The following FHIT variants were observed in gnomAD, a reference collection of about 807,000 sequenced individuals.
FHIT encodes bis(5'-adenosyl)-triphosphatase.
Under a neutral mutation model 17.9 loss-of-function variants are expected in FHIT, and 19 were observed. The ratio of observed to expected loss-of-function variants is 1.06; its 90% CI spans 0.74 to 1.56. The LOEUF (loss-of-function observed/expected upper bound fraction) is 1.56, where lower values mean the gene tolerates loss of function less well. Among genes scored for constraint, FHIT ranks in the 40% most tolerant of loss-of-function variants. The pLI, the probability that FHIT is intolerant of heterozygous loss-of-function variation, is 0.00. For missense variants in FHIT, 248 were observed against 189.2 expected, an observed-to-expected ratio of 1.31 and a Z score of -1.82; for synonymous variants, 81 against 69.7, an observed-to-expected ratio of 1.16 and a Z score of -0.81.
chr3:60,583,876 T>C (rs1371564214), intron 4 of FHIT, among the ~76,000 whole-genome samples: 1 of 152,100 alleles, frequency 6.6e-6, no homozygotes, highest in Non-Finnish European at 1.5e-5. Flanking sequence ...TTTGCTATTG[T>C]ATACAAATTC....
chr3:60,591,181 C>A (rs1553664142), intron 4 of FHIT, among the ~76,000 whole-genome samples: 1 of 152,024 alleles, frequency 6.6e-6, no homozygotes, highest in Non-Finnish European at 1.5e-5. Context: ...AACATATTTT[C>A]CATTACAAAT....
intron 3 of FHIT, among the ~76,000 whole-genome samples, chr3:60,848,816 T>C (rs1222995464): frequency 6.6e-6 from 1 of 152,078 alleles, no homozygotes; most frequent in African/African-American, 2.4e-5. Context: ...TATAATGGAT[T>C]TTTTTTCCAA....
intron 5 of FHIT, among the ~76,000 whole-genome samples, chr3:60,386,155 G>A (rs1019540544): frequency 6.6e-6 from 1 of 152,038 alleles, no homozygotes; most frequent in African/African-American, 2.4e-5. Flanking sequence ...CGGCAGTGTG[G>A]TTCCATAGAC....
chr3:60,751,126 G>A lies in FHIT; in HGVS notation c.-18+70793C>T, dbSNP rs73836110. ...CCCTTTCTCACCAACCAGGTAAGTC[G>A]AGAGTGGTTAGAACAACAGAAGACA... is the stretch of plus-strand genomic sequence containing the variant. On this transcript the variant is annotated intron_variant, in intron 4 of 9. Transcript: ENST00000492590. Among the ~76,000 whole-genome samples, 372 of 152,310 alleles carry A rather than the reference G, an allele frequency of 2.4e-3. 4 individuals are homozygous for A. Among genetic ancestry groups the A allele is most frequent in the African/African-American group, 8.3e-3 (344 of 41,574 alleles).
chr3:60,094,817 GAAGAAGAGAGAGAGAGAA>G (rs1364251319), intron 5 of FHIT, among the ~76,000 whole-genome samples: 1 of 90,218 alleles, frequency 1.1e-5, no homozygotes, highest in Non-Finnish European at 2.6e-5. Context: ...GAGAGAGAGA[GAAGAAGAGAGAGAGAGAA>G]GGAGAGAGGG....
chr3:60,359,821 A>G (rs141338586), intron 5 of FHIT, among the ~76,000 whole-genome samples: 72 of 152,312 alleles, frequency 4.7e-4, no homozygotes, highest in African/African-American at 1.6e-3. Context: ...AGGTCCCAAG[A>G]TAATAGAATT....
intron 1 of FHIT, among the ~76,000 whole-genome samples, chr3:61,224,301 T>C (rs189024959): frequency 6.6e-6 from 1 of 152,372 alleles, no homozygotes; most frequent in East Asian, 1.9e-4. Flanking sequence ...AGGGATTTGG[T>C]TCATGGGTTC....
At chr3:60,633,246 C>T (rs962212923) in intron 4 of FHIT, among the ~76,000 whole-genome samples, 2 of 152,190 alleles carry the variant, frequency 1.3e-5, no homozygotes, top group Non-Finnish European at 2.9e-5. Context: ...CCTGATTCCA[C>T]ATCCCGATTG....
intron 8 of FHIT, among the ~76,000 whole-genome samples, chr3:59,898,474 G>A (rs968323664): frequency 6.9e-6 from 1 of 145,410 alleles, no homozygotes; most frequent in Non-Finnish European, 1.5e-5. Context: ...GTGTGTGTGT[G>A]TATTTGGTAG....
intron 8 of FHIT, among the ~76,000 whole-genome samples, chr3:59,888,352 G>T (rs1703713903): frequency 6.6e-6 from 1 of 152,164 alleles, no homozygotes; most frequent in Admixed American, 6.6e-5. Flanking sequence ...GGAGAAAAGT[G>T]TATCTACATT....
intron 5 of FHIT, among the ~76,000 whole-genome samples, chr3:60,511,162 G>A (rs774618520): frequency 2.0e-4 from 31 of 152,154 alleles, no homozygotes; most frequent in Non-Finnish European, 3.4e-4. Flanking sequence ...ATCCATCAGT[G>A]AAATTAAAAT....
chr3:61,109,124 T>G (rs1317610288), intron 2 of FHIT, among the ~76,000 whole-genome samples: 1 of 152,154 alleles, frequency 6.6e-6, no homozygotes, highest in African/African-American at 2.4e-5. Context: ...GAAATGCTGT[T>G]AAGTGTATAG....
intron 5 of FHIT, among the ~76,000 whole-genome samples, chr3:60,339,643 T>C (rs1352416857): frequency 6.6e-6 from 1 of 152,160 alleles, no homozygotes; most frequent in Non-Finnish European, 1.5e-5. Flanking sequence ...CAGAAGGAAA[T>C]ATTTGTAGCC....
chr3:61,029,742 C>T (rs950433659), intron 3 of FHIT, among the ~76,000 whole-genome samples: 4 of 152,096 alleles, frequency 2.6e-5, no homozygotes, highest in Non-Finnish European at 5.9e-5. Flanking sequence ...GTCTTTTGGG[C>T]CTACCAACTG....
At chr3:61,075,865 C>A (rs2034956418) in intron 2 of FHIT, among the ~76,000 whole-genome samples, 1 of 152,084 alleles carries the variant, frequency 6.6e-6, no homozygotes, top group African/African-American at 2.4e-5. Context: ...AGGAACTAGA[C>A]AAACACTCTA....
rs149189094 is a variant in FHIT at position 60,121,546 on chromosome 3, T to A, written c.104-107394A>T. ...ACCAAACATAAAAATTAGCCAGGCG[T>A]GGTGGTGCGTGCCAGTAATCCCAGC... On this transcript the variant is annotated intron_variant, in intron 5 of 9. Transcript: ENST00000492590. 6.8e-4 allele frequency among the ~76,000 whole-genome samples: 104 copies of A among 152,098 alleles called. No homozygotes were observed. In the East Asian group the frequency reaches 0.014, roughly 20 times the overall value.
At chr3:60,008,540 A>G (rs1159458954) in intron 7 of FHIT, among the ~76,000 whole-genome samples, 1 of 152,158 alleles carries the variant, frequency 6.6e-6, no homozygotes, top group African/African-American at 2.4e-5. Flanking sequence ...TTCATTAACG[A>G]TAACAACAGG....
At chr3:60,436,277 T>G (rs2030230079) in intron 5 of FHIT, among the ~76,000 whole-genome samples, 1 of 152,072 alleles carries the variant, frequency 6.6e-6, no homozygotes, top group Non-Finnish European at 1.5e-5. Context: ...CTCAGACTCC[T>G]GACCTCAAGT....
intron 1 of FHIT, among the ~76,000 whole-genome samples, chr3:61,212,129 G>A (rs2039499665): frequency 6.6e-6 from 1 of 152,224 alleles, no homozygotes; most frequent in Admixed American, 6.5e-5. Flanking sequence ...TTCCTCACCA[G>A]CAACGGAATA....
Sources: gnomAD v4.1 joint callset for allele counts (sites outside exome capture counted in the v4.1 genomes callset) on GRCh38, gnomAD v4.1.1 for gene constraint, MANE v1.5 for transcripts, NCBI Gene and HGNC (gene_info 2026-07-23, HGNC 2026-07-21) for gene names.